The following MEGF11 variants were observed in gnomAD, a reference collection of about 807,000 sequenced individuals.
MEGF11 encodes multiple epidermal growth factor-like domains protein 11.
Under a neutral mutation model 146.6 loss-of-function variants are expected in MEGF11, and 126 were observed. The observed-to-expected ratio is 0.86, with a 90% CI of 0.74 to 1.00. MEGF11 has a LOEUF of 1.00. Ranked by LOEUF, MEGF11 falls within the 50% of genes least tolerant of loss-of-function variation. The probability of loss-of-function intolerance (pLI) is 0.00; values close to 1 mark genes in which losing one functional copy is unlikely to be tolerated. For missense variants in MEGF11, 1,509 were observed against 1,521.2 expected (o/e 0.99, Z 0.13); for synonymous variants, 532 against 583.4 (o/e 0.91, Z 1.27).
At chr15:66,225,414 C>G (rs1343582469) in intron 1 of MEGF11, among the ~76,000 whole-genome samples, 1 of 152,244 alleles carries the variant, frequency 6.6e-6, no homozygotes, top group Non-Finnish European at 1.5e-5. Context: ...GTAATATGGC[C>G]TTCAAGAGCC....
At chr15:66,198,004 C>A (rs149473684) in intron 1 of MEGF11, among the ~76,000 whole-genome samples, 20 of 152,296 alleles carry the variant, frequency 1.3e-4, no homozygotes, top group South Asian at 4.1e-4. Context: ...GTGGGAGGAT[C>A]GCTAGAGCTC....
In MEGF11 at chr15:65,982,075, A is replaced by G. The variant is rs2081659455; in HGVS notation, c.641+167T>C. On this transcript the variant is annotated intron_variant, in intron 6 of 25. Coordinates refer to ENST00000395614, the MANE Select transcript of MEGF11 (RefSeq NM_001385028.1). This position sits in a 1 kb window ranked among gnomAD's most constrained non-coding sequence, Gnocchi z 5.6. ...CAAGACTATCCCTCCTGGTCCCACC[A>G]CCCAGCCCACCCACAAGGAGCCCAG... 6.6e-6 allele frequency among the ~76,000 whole-genome samples: 1 copy of G among 151,508 alleles called. No homozygotes were observed. Among genetic ancestry groups the G allele is most frequent in the Non-Finnish European group, 1.5e-5 (1 of 67,880 alleles).
chr15:66,089,231 G>C (rs1403015166), intron 5 of MEGF11, among the ~76,000 whole-genome samples: 1 of 152,224 alleles, frequency 6.6e-6, no homozygotes, highest in Non-Finnish European at 1.5e-5. Context: ...TGATGGGCCA[G>C]CTTGGTTCCA....
At chr15:66,187,997 C>G (rs2090757704) in intron 1 of MEGF11, among the ~76,000 whole-genome samples, 1 of 152,220 alleles carries the variant, frequency 6.6e-6, no homozygotes, top group South Asian at 2.1e-4. Flanking sequence ...GCACACACTT[C>G]CAACCTTAGC....
chr15:65,916,968 G>A lies in MEGF11; in HGVS notation c.2087-12C>T. ...CCCGGGTGGGCAAGCTGGGATGTCG[G>A]TGAAATGCAGAGGGTGAGGGGAAGG... On this transcript the variant is annotated splice_polypyrimidine_tract_variant and intron_variant, in intron 16 of 25. Coordinates refer to ENST00000395614, the MANE Select transcript of MEGF11 (RefSeq NM_001385028.1). 1 of 1,495,826 alleles carries A rather than the reference G, an allele frequency of 6.7e-7. No individual in the cohort carries two copies. The highest frequency in any genetic ancestry group is 2.3e-4 in the Middle Eastern group (1 of 4,308). The allele number at this position is 1,495,826 out of a possible 1,614,324, so 92.7% of individuals were successfully genotyped here.
At chr15:66,211,802 T>C (rs1049967826) in intron 1 of MEGF11, among the ~76,000 whole-genome samples, 1 of 151,780 alleles carries the variant, frequency 6.6e-6, no homozygotes, top group Non-Finnish European at 1.5e-5. Flanking sequence ...CTCTCCTGGG[T>C]ATATTCAAAA....
chr15:65,909,766 G>A lies in MEGF11; in HGVS notation c.2870C>T (p.Thr957Ile). 6.3e-7 allele frequency: 1 copy of A among 1,585,246 alleles called. No homozygotes were observed. Among genetic ancestry groups the A allele is most frequent in the Non-Finnish European group, 8.5e-7 (1 of 1,173,432 alleles). The change falls in exon 22 of 26, where the codon ACC (threonine) becomes ATC (isoleucine). Residue 957 changes from threonine (T) to isoleucine (I), a missense_variant. Coordinates refer to ENST00000395614, the MANE Select transcript of MEGF11 (RefSeq NM_001385028.1). ...TAACACGTTCACATAGCTGTAGGGGGTCCAGCCTGCTGTGTCTCTGTCAAG... is the reference window on the plus strand; with the variant it reads ...TAACACGTTCACATAGCTGTAGGGGATCCAGCCTGCTGTGTCTCTGTCAAG... ...KSLDRDTAGW[T>I]PYSYVNVLDS...
chr15:66,077,806 G>A (rs935359088), intron 5 of MEGF11, among the ~76,000 whole-genome samples: 5 of 151,678 alleles, frequency 3.3e-5, no homozygotes, highest in Admixed American at 6.6e-5. Flanking sequence ...ACAGCAGGGG[G>A]GCATCTGTGC....
At chr15:66,138,399 A>G (rs373872632) in intron 1 of MEGF11, among the ~76,000 whole-genome samples, 1 of 152,198 alleles carries the variant, frequency 6.6e-6, no homozygotes, top group Non-Finnish European at 1.5e-5. Flanking sequence ...CAAAGACCCA[A>G]AATGATCTCA....
rs769724585 is a variant in MEGF11 at position 66,133,782 on chromosome 15, T to TA, written c.-8-5372dup. 4.0e-5 allele frequency among the ~76,000 whole-genome samples: 6 copies of TA among 150,980 alleles called. No individual in the cohort carries two copies. In the East Asian group the frequency reaches 7.7e-4, roughly 19 times the overall value. On this transcript the variant is annotated intron_variant, in intron 1 of 25. Coordinates refer to ENST00000395614, the MANE Select transcript of MEGF11 (RefSeq NM_001385028.1). ...GAATGCTTTCTAATCTTCCTGTACT[T>TA]AAAAAAAAAGAAAAAAAGTTTTAAA...
chr15:66,069,988 A>G (rs1386543847), intron 5 of MEGF11, among the ~76,000 whole-genome samples: 1 of 152,144 alleles, frequency 6.6e-6, no homozygotes, highest in Non-Finnish European at 1.5e-5. Context: ...CTTGCTGACC[A>G]CCGCTCTAAG....
chr15:66,174,428 C>G (rs936476181), intron 1 of MEGF11, among the ~76,000 whole-genome samples: 1 of 152,198 alleles, frequency 6.6e-6, no homozygotes, highest in Non-Finnish European at 1.5e-5. Flanking sequence ...GGGGAAACCT[C>G]TGGGCTGGGG....
intron 1 of MEGF11, among the ~76,000 whole-genome samples, chr15:66,238,593 C>A (rs983536120): frequency 6.6e-6 from 1 of 152,206 alleles, no homozygotes; most frequent in African/African-American, 2.4e-5. Context: ...CAGGTTTAAA[C>A]CCACTGCGTG....
intron 4 of MEGF11, among the ~76,000 whole-genome samples, chr15:66,095,176 C>A (rs563564157): frequency 6.6e-6 from 1 of 152,246 alleles, no homozygotes; most frequent in Non-Finnish European, 1.5e-5. Context: ...GAGGTTACAG[C>A]GGCAGGCAGT....
chr15:66,102,156 T>G (rs1487661667), intron 4 of MEGF11, among the ~76,000 whole-genome samples: 1 of 54,648 alleles, frequency 1.8e-5, no homozygotes, highest in East Asian at 6.7e-4. Flanking sequence ...GGGCCCCAGA[T>G]CTGCTCGTGG....
chr15:66,161,089 T>A (rs975715375), intron 1 of MEGF11, among the ~76,000 whole-genome samples: 16 of 152,096 alleles, frequency 1.1e-4, no homozygotes, highest in African/African-American at 3.9e-4. Flanking sequence ...CCTAGGTTCT[T>A]CAACTTTTTC....
At chr15:66,246,361 G>C (rs1055866160) in intron 1 of MEGF11, among the ~76,000 whole-genome samples, 2 of 152,128 alleles carry the variant, frequency 1.3e-5, no homozygotes, top group African/African-American at 4.8e-5. Context: ...CAGGTTTTGA[G>C]CCCAAACATC....
intron 5 of MEGF11, among the ~76,000 whole-genome samples, chr15:66,043,798 G>C (rs1215242088): frequency 6.6e-6 from 1 of 152,190 alleles, no homozygotes; most frequent in Admixed American, 6.5e-5. Context: ...AGATGAAAAA[G>C]ACCCAATACC....
chr15:66,029,549 A>G (rs1470071559), intron 5 of MEGF11, among the ~76,000 whole-genome samples: 1 of 152,210 alleles, frequency 6.6e-6, no homozygotes, highest in Non-Finnish European at 1.5e-5. Context: ...TCTTTACAGC[A>G]GGAAAAGAGG....
Sources: allele counts gnomAD v4.1 joint callset (sites outside exome capture counted in the v4.1 genomes callset), GRCh38; gene constraint gnomAD v4.1.1; non-coding constraint Gnocchi (gnomAD v3.1); transcripts MANE v1.5; gene names NCBI Gene and HGNC (gene_info 2026-07-23, HGNC 2026-07-21).